Variants in HUNK observed in about 807,000 individuals in gnomAD.
The protein encoded by HUNK is hormonally up-regulated neu tumor-associated kinase.
In HUNK, 21 loss-of-function variants were observed where a neutral mutation model predicts 61.0. The observed-to-expected ratio is 0.34, with a 90% CI of 0.24 to 0.50. The LOEUF (loss-of-function observed/expected upper bound fraction) is 0.50. Among genes scored for constraint, HUNK ranks in the 20% least tolerant of loss-of-function variants. The pLI is 0.98. For synonymous variants in HUNK, 371 were observed against 386.1 expected (o/e 0.96, Z 0.46); for missense variants, 772 against 945.7 (o/e 0.82, Z 2.41).
chr21:31,974,829 A>C (rs1247523073), intron 7 of HUNK, 112 bp downstream of exon 7: 3 of 1,053,630 alleles, frequency 2.8e-6, no homozygotes, highest in Non-Finnish European at 4.0e-6. Flanking sequence ...ATTTAATCTA[A>C]TGTGAGGCTG....
At chr21:31,968,842 TTGTG>T (rs56695834) in intron 6 of HUNK, among the ~76,000 whole-genome samples, 2,622 of 140,388 alleles carry the variant, frequency 0.019, 62 homozygotes, top group African/African-American at 0.055. Context: ...GTGTGTAAAT[TTGTG>T]TGTGTGTGTG....
At chr21:31,888,306 C>T (rs563805580) in intron 1 of HUNK, among the ~76,000 whole-genome samples, 3 of 152,224 alleles carry the variant, frequency 2.0e-5, no homozygotes, top group African/African-American at 4.8e-5. Context: ...AAGCCCTGGG[C>T]GTTACTGGGA....
intron 1 of HUNK, among the ~76,000 whole-genome samples, chr21:31,920,111 T>C (rs1004867117): frequency 6.6e-6 from 1 of 152,212 alleles, no homozygotes; most frequent in Non-Finnish European, 1.5e-5. Context: ...CCAACATTCC[T>C]TGGCTTGTCG....
At chr21:31,876,381 G>A (rs920455468) in intron 1 of HUNK, among the ~76,000 whole-genome samples, 1 of 152,182 alleles carries the variant, frequency 6.6e-6, no homozygotes, top group Non-Finnish European at 1.5e-5. Flanking sequence ...AAACAATGGT[G>A]TCATTCATAA....
intron 5 of HUNK, 22 bp downstream of exon 5, chr21:31,958,992 A>T (rs1470953445): frequency 5.7e-6 from 9 of 1,581,936 alleles, no homozygotes; most frequent in Non-Finnish European, 7.7e-6. Context: ...GCTGCTCTAG[A>T]TCACGGTTCA....
At chr21:31,880,012 C>A (rs367709455) in intron 1 of HUNK, among the ~76,000 whole-genome samples, 1 of 152,142 alleles carries the variant, frequency 6.6e-6, no homozygotes, top group Non-Finnish European at 1.5e-5. Context: ...CTGGGTGGTA[C>A]GATGACCAGC....
intron 8 of HUNK, among the ~76,000 whole-genome samples, chr21:31,988,533 G>C (rs953753807): frequency 1.3e-5 from 2 of 151,988 alleles, no homozygotes; most frequent in African/African-American, 4.8e-5. Context: ...GCCAGGTTCA[G>C]GGCTTACGGA....
At chr21:31,912,127 TCCCCC>T (rs1055556217) in intron 1 of HUNK, among the ~76,000 whole-genome samples, 2 of 152,034 alleles carry the variant, frequency 1.3e-5, no homozygotes, top group Non-Finnish European at 2.9e-5. Flanking sequence ...CATCTGTCCT[TCCCCC>T]ACCGTTCCTC....
Position 31,892,176 on chromosome 21 carries a change from T to TAG in HUNK, c.261+18242_261+18243insGA, listed in dbSNP as rs1423478679. The stretch of plus-strand genomic sequence containing the variant: ...AAAAAAAAAAAAATATATATATATA[T>TAG]ATATAGAGAGAGAGAGAGAGAGAGA... On this transcript the variant is annotated intron_variant, in intron 1 of 10. Coordinates refer to ENST00000270112, the MANE Select transcript of HUNK (RefSeq NM_014586.2). Among the ~76,000 whole-genome samples the TAG allele has an allele frequency of 3.5e-4, 41 of 116,450 alleles. 1 individual carries two copies. Among genetic ancestry groups the TAG allele is most frequent in the African/African-American group, 7.0e-4 (21 of 29,964 alleles). 76.4% of individuals were successfully genotyped at this position (116,450 alleles called of 152,430 possible). A position where few individuals can be genotyped will look rare whatever the true frequency, so the allele number is the denominator to read the frequency against.
chr21:31,912,058 G>C (rs974338074), intron 1 of HUNK, among the ~76,000 whole-genome samples: 2 of 152,146 alleles, frequency 1.3e-5, no homozygotes, highest in Non-Finnish European at 1.5e-5. Context: ...TACGGCTGCT[G>C]TCTACCCCAA....
chr21:31,934,533 G>A (rs541773564), intron 2 of HUNK, among the ~76,000 whole-genome samples: 2 of 152,002 alleles, frequency 1.3e-5, no homozygotes, highest in South Asian at 4.1e-4. Context: ...TTTTGCTTCA[G>A]GGTGTACCTG....
chr21:31,892,245 T>C (rs2052396068), intron 1 of HUNK, among the ~76,000 whole-genome samples: 1 of 116,576 alleles, frequency 8.6e-6, no homozygotes. Context: ...GCACGTAGCC[T>C]GAAAATACAG....
chr21:32,002,593 G>A lies in HUNK; in HGVS notation c.*3409G>A, dbSNP rs2053253823. ...TATTAGGATCTTCCTTGGAGACTCT[G>A]AAAATGGCACACAAAGAATGGCAGT... On this transcript the variant is annotated 3_prime_UTR_variant, in exon 11 of 11. Coordinates refer to ENST00000270112, the MANE Select transcript of HUNK (RefSeq NM_014586.2). 6.6e-6 allele frequency: 1 copy of A among 152,208 alleles called. No individual in the cohort carries two copies. Among genetic ancestry groups the A allele is most frequent in the African/African-American group, 2.4e-5 (1 of 41,442 alleles). The allele number at this position is 152,208 out of a possible 1,614,324, so 9.4% of individuals were successfully genotyped here.
At chr21:31,966,092 A>G (rs2052964399) in intron 5 of HUNK, among the ~76,000 whole-genome samples, 1 of 151,988 alleles carries the variant, frequency 6.6e-6, no homozygotes, top group Non-Finnish European at 1.5e-5. Context: ...CCCAAAGTCT[A>G]TTGTATCATT....
intron 7 of HUNK, among the ~76,000 whole-genome samples, chr21:31,977,131 C>A (rs1376182536): frequency 6.6e-6 from 1 of 152,098 alleles, no homozygotes; most frequent in South Asian, 2.1e-4. Context: ...TTTAAAATTT[C>A]TATTTATTAT....
At chr21:31,886,147 C>T (rs997892150) in intron 1 of HUNK, among the ~76,000 whole-genome samples, 4 of 152,142 alleles carry the variant, frequency 2.6e-5, no homozygotes, top group East Asian at 3.9e-4. Context: ...GGGGGCTAGG[C>T]GCAGTGGCTC....
chr21:31,942,751 C>T (rs1697495284), intron 3 of HUNK, among the ~76,000 whole-genome samples: 1 of 152,088 alleles, frequency 6.6e-6, no homozygotes, highest in South Asian at 2.1e-4. Flanking sequence ...AAGCAGGATG[C>T]CCGCACCTGC....
At chr21:31,884,902 C>T (rs1383300769) in intron 1 of HUNK, among the ~76,000 whole-genome samples, 1 of 151,930 alleles carries the variant, frequency 6.6e-6, no homozygotes, top group Non-Finnish European at 1.5e-5. Flanking sequence ...CTCAGCCTCC[C>T]GAGTAGCTGG....
intron 1 of HUNK, among the ~76,000 whole-genome samples, chr21:31,874,375 G>A (rs1349713727): frequency 1.3e-5 from 2 of 152,026 alleles, no homozygotes; most frequent in Admixed American, 1.3e-4. Context: ...CCTCTGGGGG[G>A]AGCTTAGAGT....
Sources: allele counts gnomAD v4.1 joint callset (sites outside exome capture counted in the v4.1 genomes callset), GRCh38; gene constraint gnomAD v4.1.1; transcripts MANE v1.5; gene names NCBI Gene and HGNC (gene_info 2026-07-23, HGNC 2026-07-21).